The following PTK2 variants were observed in gnomAD, a reference collection of about 807,000 sequenced individuals.
PTK2 encodes protein tyrosine kinase 2.
In PTK2, 45 loss-of-function variants were observed where a neutral mutation model predicts 150.1. The ratio of observed to expected loss-of-function variants is 0.30; its 90% CI spans 0.24 to 0.38. The LOEUF (loss-of-function observed/expected upper bound fraction) is 0.38. PTK2 is among the 10% of genes least tolerant of loss of function. PTK2 has a pLI of 1.00. For missense variants in PTK2, 919 were observed against 1,307.3 expected, an observed-to-expected ratio of 0.70 and a Z score of 4.58; for synonymous variants, 432 against 449.2, an observed-to-expected ratio of 0.96 and a Z score of 0.48.
At chr8:140,871,384 C>T (rs2100142399) in intron 4 of PTK2, among the ~76,000 whole-genome samples, 1 of 152,186 alleles carries the variant, frequency 6.6e-6, no homozygotes, top group Non-Finnish European at 1.5e-5. Context: ...AAATCAGTAT[C>T]ATCATTAAGC....
intron 20 of PTK2, among the ~76,000 whole-genome samples, chr8:140,739,358 G>A (rs1415854900): frequency 6.6e-6 from 1 of 152,154 alleles, no homozygotes; most frequent in Admixed American, 6.5e-5. Flanking sequence ...AACAGGGAGG[G>A]AGAGCAAACC....
chr8:140,988,860 A>T (rs1023493725), intron 1 of PTK2, among the ~76,000 whole-genome samples: 3 of 152,198 alleles, frequency 2.0e-5, no homozygotes, highest in African/African-American at 7.2e-5. Context: ...AGATGTCCAC[A>T]TATTAAAATG....
At chr8:140,705,271 C>T (rs775154992) in intron 24 of PTK2, among the ~76,000 whole-genome samples, 18 of 152,138 alleles carry the variant, frequency 1.2e-4, no homozygotes, top group Non-Finnish European at 1.8e-4. Context: ...ATTTAAACCA[C>T]GCTTTCAACA....
chr8:140,927,125 T>G (rs1185958755), intron 1 of PTK2, among the ~76,000 whole-genome samples: 1 of 152,208 alleles, frequency 6.6e-6, no homozygotes, highest in African/African-American at 2.4e-5. Context: ...GTTCAATCTA[T>G]CCATATATGT....
At chr8:140,961,288 T>A (rs1405878377) in intron 1 of PTK2, among the ~76,000 whole-genome samples, 1 of 152,180 alleles carries the variant, frequency 6.6e-6, no homozygotes, top group Non-Finnish European at 1.5e-5. Context: ...AAGAAATGTA[T>A]CTAATCCTAA....
chr8:140,772,174 T>C (rs1185869853), intron 14 of PTK2, among the ~76,000 whole-genome samples: 1 of 152,208 alleles, frequency 6.6e-6, no homozygotes. Context: ...GGACTTTGTA[T>C]ATGATGGCCC....
At chr8:140,946,525 G>T (rs1383578508) in intron 1 of PTK2, among the ~76,000 whole-genome samples, 3 of 152,116 alleles carry the variant, frequency 2.0e-5, no homozygotes, top group Non-Finnish European at 2.9e-5. Context: ...GAATGTAAAA[G>T]CTAAAATCAA....
At chr8:140,931,737 C>A (rs1179863212) in intron 1 of PTK2, among the ~76,000 whole-genome samples, 1 of 151,454 alleles carries the variant, frequency 6.6e-6, no homozygotes, top group East Asian at 1.9e-4. Context: ...GAGTTCGAGA[C>A]CAGCCTAGGC....
intron 26 of PTK2, among the ~76,000 whole-genome samples, chr8:140,699,012 G>C (rs1175469339): frequency 7.0e-6 from 1 of 142,336 alleles, no homozygotes; most frequent in Non-Finnish European, 1.5e-5. Context: ...CAAGTGATCT[G>C]CCCACCTTGG....
At chr8:140,747,779 A>G (rs2100060254) in intron 17 of PTK2, among the ~76,000 whole-genome samples, 1 of 118,770 alleles carries the variant, frequency 8.4e-6, no homozygotes, top group Non-Finnish European at 1.8e-5. Context: ...AGGAAGGAGG[A>G]AGAGGGGGAG....
chr8:140,766,351 T>C (rs999700615), intron 14 of PTK2, among the ~76,000 whole-genome samples: 1 of 152,176 alleles, frequency 6.6e-6, no homozygotes, highest in Non-Finnish European at 1.5e-5. Context: ...ACTGAGGGCT[T>C]TACCATGCAC....
intron 14 of PTK2, chr8:140,771,332 T>C (rs1329491597): frequency 6.6e-6 from 1 of 152,274 alleles, no homozygotes; most frequent in East Asian, 1.9e-4. Context: ...TTGCAAAACC[T>C]CTACTAGCAT....
intron 5 of PTK2, among the ~76,000 whole-genome samples, chr8:140,856,968 G>A (rs1188738089): frequency 6.6e-6 from 1 of 152,226 alleles, no homozygotes; most frequent in Non-Finnish European, 1.5e-5. Context: ...AATCTAAGTG[G>A]TGGGTATGCT....
chr8:140,964,954 A>G (rs1372518264), intron 1 of PTK2, among the ~76,000 whole-genome samples: 1 of 152,102 alleles, frequency 6.6e-6, no homozygotes, highest in African/African-American at 2.4e-5. Flanking sequence ...CAGAACATTC[A>G]CCAATGGCTT....
At chr8:140,664,744 A>T (rs2087505501) in intron 31 of PTK2, among the ~76,000 whole-genome samples, 173 bp downstream of exon 35, 1 of 152,180 alleles carries the variant, frequency 6.6e-6, no homozygotes, top group Non-Finnish European at 1.5e-5. Flanking sequence ...CCCTAGAATG[A>T]ACAGCCCCGT....
intron 1 of PTK2, among the ~76,000 whole-genome samples, chr8:140,940,855 C>A (rs890043767): frequency 1.3e-5 from 2 of 151,558 alleles, no homozygotes; most frequent in South Asian, 2.1e-4. Context: ...TGAGTACCTG[C>A]GCTACTTGGG....
At chr8:140,862,374 A>G (rs1271649081) in intron 5 of PTK2, among the ~76,000 whole-genome samples, 1 of 152,224 alleles carries the variant, frequency 6.6e-6, no homozygotes, top group African/African-American at 2.4e-5. Context: ...TTCCTAAAGG[A>G]TGAGATGTAA....
At chr8:140,692,995 T>C (rs2153887084) in intron 26 of PTK2, among the ~76,000 whole-genome samples, 1 of 152,332 alleles carries the variant, frequency 6.6e-6, no homozygotes, top group Admixed American at 6.5e-5. Flanking sequence ...GATAGGGCTT[T>C]CTCATTTAAA....
chr8:140,669,387 G>A (rs2094433751), intron 29 of PTK2: 1 of 181,276 alleles, frequency 5.5e-6, no homozygotes, highest in Non-Finnish European at 1.1e-5. Context: ...GTTTAATCAT[G>A]AACCTGATGC....
Sources: gnomAD v4.1 joint callset for allele counts (sites outside exome capture counted in the v4.1 genomes callset) on GRCh38, gnomAD v4.1.1 for gene constraint, MANE v1.5 for transcripts, NCBI Gene and HGNC (gene_info 2026-07-23, HGNC 2026-07-21) for gene names.